Variants in KCNQ1 observed in about 807,000 individuals in gnomAD.
KCNQ1 encodes potassium voltage-gated channel subfamily Q member 1.
A neutral mutation model predicts 72.4 loss-of-function variants in KCNQ1; 49 were observed. The observed-to-expected ratio is 0.68, with a 90% confidence interval of 0.54 to 0.86. KCNQ1 has a LOEUF of 0.86. Ranked by LOEUF, KCNQ1 falls within the 40% of genes least tolerant of loss-of-function variation. The pLI, the probability that KCNQ1 is intolerant of heterozygous loss-of-function variation, is 0.00. For missense variants in KCNQ1, 790 were observed against 945.1 expected (o/e 0.84, Z 2.15); for synonymous variants, 450 against 412.6 (o/e 1.09, Z -1.10).
At position 2,679,038 on chromosome 11, in the gene KCNQ1, C is replaced by T. The variant is rs969376233; in HGVS notation, c.1514+16957C>T. The stretch of plus-strand genomic sequence containing the variant: ...ATAATCTAAAACTTGTAGCCCAGCC[C>T]CTCCTCCATACCAACCACCAAAAAA... On this transcript the variant is annotated intron_variant, in intron 11 of 15. Transcript: ENST00000155840. The surrounding 1 kb of genome is among the most constrained non-coding windows in gnomAD (Gnocchi z 4.8). 2.5e-6 allele frequency: 1 copy of T among 398,464 alleles called. No homozygotes were observed. Among genetic ancestry groups the T allele is most frequent in the Non-Finnish European group, 4.4e-6 (1 of 226,088 alleles). The allele number at this position is 398,464 out of a possible 1,614,324, so 24.7% of individuals were successfully genotyped here. A position where few individuals can be genotyped will look rare whatever the true frequency, so the allele number is the denominator to read the frequency against.
rs1368355586 is a variant in KCNQ1 at position 2,827,457 on chromosome 11, C to T, written c.1795-20310C>T. Reference sequence around the variant, plus strand: ...GGAGGGAGGTAAAAGACATGAAGGACAGGCCCCACTCCTGTAAAACCCTAC... The same window carrying T: ...GGAGGGAGGTAAAAGACATGAAGGATAGGCCCCACTCCTGTAAAACCCTAC... On this transcript the variant is annotated intron_variant, in intron 15 of 15. Coordinates refer to ENST00000155840, the MANE Select transcript of KCNQ1 (RefSeq NM_000218.3). The surrounding 1 kb of genome is among the most constrained non-coding windows in gnomAD (Gnocchi z 6.7). 1.3e-5 allele frequency among the ~76,000 whole-genome samples: 2 copies of T among 152,126 alleles called. No individual in the cohort carries two copies. Among genetic ancestry groups the T allele is most frequent in the Admixed American group, 1.3e-4 (2 of 15,278 alleles).
intron 11 of KCNQ1, among the ~76,000 whole-genome samples, chr11:2,749,547 C>T (rs9888189): frequency 0.13 from 18,412 of 144,690 alleles, 1,250 homozygotes; most frequent in East Asian, 0.26. Context: ...TGCTGCCTCA[C>T]GCCTGTAATC....
Position 2,670,199 on chromosome 11 carries a change from A to G in KCNQ1, c.1514+8118A>G. 2.5e-6 allele frequency: 1 copy of G among 398,602 alleles called. No homozygotes were observed. Among genetic ancestry groups the G allele is most frequent in the Non-Finnish European group, 4.4e-6 (1 of 226,078 alleles). 24.7% of individuals were successfully genotyped at this position (398,602 alleles called of 1,614,324 possible). A position where few individuals can be genotyped will look rare whatever the true frequency, so the allele number is the denominator to read the frequency against. ...GCACCCACATTAAAGCAGAGTGAAG[A>G]GCAGGGCGAGCTGTGTAGCTCACCT... is the stretch of plus-strand genomic sequence containing the variant. On this transcript the variant is annotated intron_variant, in intron 11 of 15. Coordinates refer to ENST00000155840, the MANE Select transcript of KCNQ1 (RefSeq NM_000218.3). The surrounding 1 kb of genome is among the most constrained non-coding windows in gnomAD (Gnocchi z 4.9).
At position 2,750,135 on chromosome 11, in the gene KCNQ1, C is replaced by G. The variant is rs1009499540; in HGVS notation, c.1515-18709C>G. Among the ~76,000 whole-genome samples the G allele has an allele frequency of 6.6e-6, 1 of 152,150 alleles. No individual in the cohort carries two copies. Among genetic ancestry groups the G allele is most frequent in the African/African-American group, 2.4e-5 (1 of 41,420 alleles). On this transcript the variant is annotated intron_variant, in intron 11 of 15. Transcript: ENST00000155840. The surrounding 1 kb of genome is among the most constrained non-coding windows in gnomAD (Gnocchi z 6.3). ...CTGGGGAGAGACCTGCGCAACCCCACCTGAGTGAGGCACTGTGGGCCCAGA... is the reference window on the plus strand; with the variant it reads ...CTGGGGAGAGACCTGCGCAACCCCAGCTGAGTGAGGCACTGTGGGCCCAGA...
At chr11:2,684,021 T>G (rs1431547662) in intron 11 of KCNQ1, 1 of 398,302 alleles carries the variant, frequency 2.5e-6, no homozygotes, top group African/African-American at 2.1e-5. Flanking sequence ...TTAGTCAACA[T>G]CAGCTAACTT....
Position 2,613,957 on chromosome 11 carries a change from C to A in KCNQ1, c.1393+25103C>A, listed in dbSNP as rs1169112536. ...CTTTGCTTTTCTCACCTAACAACATCTCCTAGAAATCACTCAACATCCATT... is the reference window on the plus strand; with the variant it reads ...CTTTGCTTTTCTCACCTAACAACATATCCTAGAAATCACTCAACATCCATT... On this transcript the variant is annotated intron_variant, in intron 10 of 15. Coordinates refer to ENST00000155840, the MANE Select transcript of KCNQ1 (RefSeq NM_000218.3). This position sits in a 1 kb window ranked among gnomAD's most constrained non-coding sequence, Gnocchi z 4.8. 2 of 398,464 alleles carry A rather than the reference C, an allele frequency of 5.0e-6. No homozygotes were observed. Among genetic ancestry groups the A allele is most frequent in the Non-Finnish European group, 8.8e-6 (2 of 226,068 alleles). The allele number at this position is 398,464 out of a possible 1,614,324, so 24.7% of individuals were successfully genotyped here.
Position 2,491,475 on chromosome 11 carries a change from A to G in KCNQ1, c.387-36453A>G, listed in dbSNP as rs999286618. 1.3e-5 allele frequency among the ~76,000 whole-genome samples: 2 copies of G among 152,240 alleles called. No individual in the cohort carries two copies. The highest frequency in any genetic ancestry group is 6.5e-5 in the Admixed American group (1 of 15,286). On this transcript the variant is annotated intron_variant, in intron 1 of 15. Coordinates refer to ENST00000155840, the MANE Select transcript of KCNQ1 (RefSeq NM_000218.3). This position sits in a 1 kb window ranked among gnomAD's most constrained non-coding sequence, Gnocchi z 4.1. ...AAGAATGTATCAGAATCTCTTGATA[A>G]CAGCATTGATCAAGAACAAAAAAGA...
chr11:2,779,321 G>A (rs1846774614), intron 15 of KCNQ1, among the ~76,000 whole-genome samples: 2 of 152,176 alleles, frequency 1.3e-5, no homozygotes, highest in African/African-American at 4.8e-5. Flanking sequence ...CAAGGGCTGG[G>A]TGACTCCTGG....
chr11:2,542,576 A>AC (rs1847845660), intron 2 of KCNQ1, among the ~76,000 whole-genome samples: 2 of 152,126 alleles, frequency 1.3e-5, no homozygotes, highest in South Asian at 4.1e-4. Context: ...CACATCCGTC[A>AC]CCCCCAGAAG....
intron 10 of KCNQ1, among the ~76,000 whole-genome samples, chr11:2,590,317 T>C (rs999577772): frequency 1.3e-4 from 20 of 152,216 alleles, no homozygotes; most frequent in African/African-American, 4.6e-4. Flanking sequence ...GTGACTGTGT[T>C]CTGATACAAA....
rs1849900505 is a variant in KCNQ1 at position 2,658,901 on chromosome 11, G to A, written c.1394-3060G>A. 2 of 398,320 alleles carry A rather than the reference G, an allele frequency of 5.0e-6. No homozygotes were observed. Among genetic ancestry groups the A allele is most frequent in the Admixed American group, 4.4e-5 (1 of 22,694 alleles). The allele number at this position is 398,320 out of a possible 1,614,324, so 24.7% of individuals were successfully genotyped here. A position where few individuals can be genotyped will look rare whatever the true frequency, so the allele number is the denominator to read the frequency against. Reference sequence around the variant, plus strand: ...TTTGTGTAACCCTATTGTACACGTAGTACCCTATGTGAAGCAAATTTACCT... The same window carrying A: ...TTTGTGTAACCCTATTGTACACGTAATACCCTATGTGAAGCAAATTTACCT... On this transcript the variant is annotated intron_variant, in intron 10 of 15. Transcript: ENST00000155840. This position sits in a 1 kb window ranked among gnomAD's most constrained non-coding sequence, Gnocchi z 4.9.
intron 2 of KCNQ1, among the ~76,000 whole-genome samples, chr11:2,545,584 GTGAT>G (rs770088450): frequency 2.0e-5 from 3 of 152,046 alleles, no homozygotes; most frequent in Non-Finnish European, 4.4e-5. Context: ...TTATAGTCAG[GTGAT>G]TGATAATTAC....
intron 10 of KCNQ1, chr11:2,630,396 G>A (rs529042173): frequency 2.3e-5 from 9 of 397,830 alleles, no homozygotes; most frequent in Non-Finnish European, 4.0e-5. Context: ...TCCTTGTCTG[G>A]CCTTAGTATG....
intron 2 of KCNQ1, among the ~76,000 whole-genome samples, chr11:2,553,376 T>C (rs116138287): frequency 1.5e-3 from 223 of 152,256 alleles, no homozygotes; most frequent in African/African-American, 5.2e-3. Context: ...TCTTTCACCA[T>C]TAGGTGTGGT....
At chr11:2,638,980 A>T (rs1243086966) in intron 10 of KCNQ1, 1 of 152,070 alleles carries the variant, frequency 6.6e-6, no homozygotes, top group Non-Finnish European at 1.5e-5. Context: ...TCAATCACCG[A>T]TATCCTTTCT....
chr11:2,786,949 G>GTTTTTTTTTTTTTTTTTTT (rs5789272), intron 15 of KCNQ1, among the ~76,000 whole-genome samples: 4 of 120,334 alleles, frequency 3.3e-5, no homozygotes, highest in Admixed American at 8.5e-5. Context: ...TTTCGTTTCT[G>GTTTTTTTTTTTTTTTTTTT]TTTTTTTTTT....
rs191656904 is a variant in KCNQ1, at chr11:2,715,523, C to T, written c.1515-53321C>T. ...GGGAAGAGAGCAGCCAGGTAGACTT[C>T]GTTTCCAGCCGGAGTGTACCTGGGG... On this transcript the variant is annotated intron_variant, in intron 11 of 15. Transcript: ENST00000155840. The surrounding 1 kb of genome is among the most constrained non-coding windows in gnomAD (Gnocchi z 4.9). Among the ~76,000 whole-genome samples, 206 of 152,216 alleles carry T rather than the reference C, an allele frequency of 1.4e-3. No homozygotes were observed. The highest frequency in any genetic ancestry group is 2.3e-3 in the Admixed American group (35 of 15,292).
chr11:2,816,075 G>T lies in KCNQ1; in HGVS notation c.1795-31692G>T, dbSNP rs1847608479. Among the ~76,000 whole-genome samples, 1 of 152,170 alleles carries T rather than the reference G, an allele frequency of 6.6e-6. No homozygotes were observed. Among genetic ancestry groups the T allele is most frequent in the Non-Finnish European group, 1.5e-5 (1 of 68,034 alleles). ...GACGGCTGGCGGCCGGGGCTTGGGA[G>T]ATCAAGAAGTCCCTGAGGAAGAGGA... On this transcript the variant is annotated intron_variant, in intron 15 of 15. Transcript: ENST00000155840. The surrounding 1 kb of genome is among the most constrained non-coding windows in gnomAD (Gnocchi z 6.8).
At chr11:2,700,291 G>C (rs1850782208) in intron 11 of KCNQ1, among the ~76,000 whole-genome samples, 1 of 152,228 alleles carries the variant, frequency 6.6e-6, no homozygotes, top group East Asian at 1.9e-4. Flanking sequence ...GCACCACCGG[G>C]GGCCGGGGCC....
Sources: allele counts gnomAD v4.1 joint callset (sites outside exome capture counted in the v4.1 genomes callset), GRCh38; gene constraint gnomAD v4.1.1; non-coding constraint Gnocchi (gnomAD v3.1); transcripts MANE v1.5; gene names NCBI Gene and HGNC (gene_info 2026-07-23, HGNC 2026-07-21).